The following PIEZO2 variants were observed in gnomAD, a reference collection of about 807,000 sequenced individuals.
PIEZO2 encodes the protein piezo-type mechanosensitive ion channel component 2.
Under a neutral mutation model 337.3 loss-of-function variants are expected in PIEZO2, and 172 were observed. The observed-to-expected ratio is 0.51, with a 90% CI of 0.45 to 0.58. The LOEUF is 0.58. PIEZO2 is among the 20% of genes least tolerant of loss of function. The pLI, the probability that PIEZO2 is intolerant of heterozygous loss-of-function variation, is 0.00. For missense variants in PIEZO2, 3,028 were observed against 3,391.3 expected (o/e 0.89, Z 2.66); for synonymous variants, 1,251 against 1,228.5 (o/e 1.02, Z -0.38).
intron 39 of PIEZO2, among the ~76,000 whole-genome samples, chr18:10,711,499 C>T (rs1206878183): frequency 6.6e-6 from 1 of 151,824 alleles, no homozygotes. Context: ...CATGAAATTT[C>T]AAAAGAGGTT....
chr18:11,018,549 T>G (rs1015922056), intron 2 of PIEZO2, among the ~76,000 whole-genome samples: 1 of 152,026 alleles, frequency 6.6e-6, no homozygotes, highest in Non-Finnish European at 1.5e-5. Context: ...ATGGCCAAAT[T>G]GTGAATCCCG....
intron 1 of PIEZO2, among the ~76,000 whole-genome samples, chr18:11,084,664 C>G (rs912764443): frequency 6.6e-6 from 1 of 152,102 alleles, no homozygotes; most frequent in African/African-American, 2.4e-5. Flanking sequence ...TTGCTATTTT[C>G]TTTACCAAGA....
At position 10,834,044 on chromosome 18, in the gene PIEZO2, T is replaced by C. The variant is rs570100533; in HGVS notation, c.917+21309A>G. ...TGTTTTTATTTTTTATGGGTAAGTGTATATGGGGCACAGGTGATGTTTTGA... is the reference window on the plus strand; with the variant it reads ...TGTTTTTATTTTTTATGGGTAAGTGCATATGGGGCACAGGTGATGTTTTGA... On this transcript the variant is annotated intron_variant, in intron 7 of 55. Coordinates refer to ENST00000674853, the MANE Select transcript of PIEZO2 (RefSeq NM_001378183.1). This position sits in a 1 kb window ranked among gnomAD's most constrained non-coding sequence, Gnocchi z 4.5. 1.6e-4 allele frequency among the ~76,000 whole-genome samples: 25 copies of C among 152,356 alleles called. No individual in the cohort carries two copies. The highest frequency in any genetic ancestry group is 5.5e-4 in the African/African-American group (23 of 41,578).
intron 36 of PIEZO2, among the ~76,000 whole-genome samples, chr18:10,730,414 C>T (rs754646263): frequency 6.6e-6 from 1 of 152,146 alleles, no homozygotes; most frequent in Non-Finnish European, 1.5e-5. Flanking sequence ...TTCACACGCT[C>T]TCATTGATTG....
Position 10,845,877 on chromosome 18 carries a change from A to G in PIEZO2, c.917+9476T>C, listed in dbSNP as rs114920477. On this transcript the variant is annotated intron_variant, in intron 7 of 55. Transcript: ENST00000674853. ...TACATTTAAAGCCCATCATTTTTCTAAAGCAAAAACTAAATATTTGCAAAC... is the reference window on the plus strand; with the variant it reads ...TACATTTAAAGCCCATCATTTTTCTGAAGCAAAAACTAAATATTTGCAAAC... 3.3e-3 allele frequency among the ~76,000 whole-genome samples: 499 copies of G among 152,344 alleles called. 2 individuals carry two copies. The highest frequency in any genetic ancestry group is 0.011 in the African/African-American group (477 of 41,576).
intron 3 of PIEZO2, among the ~76,000 whole-genome samples, chr18:10,955,864 T>G (rs2033497813): frequency 6.6e-6 from 1 of 152,224 alleles, no homozygotes; most frequent in Non-Finnish European, 1.5e-5. Context: ...TTAAATTTTT[T>G]GTTTGTTTGT....
chr18:10,786,920 G>A, intron 16 of PIEZO2, 116 bp downstream of exon 16: 1 of 1,019,984 alleles, frequency 9.8e-7, no homozygotes, highest in Non-Finnish European at 1.4e-6. Context: ...CTATTATTGA[G>A]GAACTTATAG....
At position 10,870,852 on chromosome 18, in the gene PIEZO2, G is replaced by T. The variant is rs2042121874; in HGVS notation, c.492+401C>A. On this transcript the variant is annotated intron_variant, in intron 5 of 55. Coordinates refer to ENST00000674853, the MANE Select transcript of PIEZO2 (RefSeq NM_001378183.1). This position sits in a 1 kb window ranked among gnomAD's most constrained non-coding sequence, Gnocchi z 5.3. ...ACAGACTGGAAAGCTGCCCTGCAAG[G>T]AGGAACTCATTTTTTTCCCTAAAAC... Among the ~76,000 whole-genome samples the T allele has an allele frequency of 6.6e-6, 1 of 152,162 alleles. No individual in the cohort carries two copies.
chr18:11,002,278 G>T lies in PIEZO2; in HGVS notation c.161-22618C>A, dbSNP rs2035571539. On this transcript the variant is annotated intron_variant, in intron 2 of 55. Transcript: ENST00000674853. The surrounding 1 kb of genome is among the most constrained non-coding windows in gnomAD (Gnocchi z 4.3). ...ATACAAAATACAGCAGTGAGTAGAGGCTGGTTCAGTCTATAGGCTGTAGTT... is the reference window on the plus strand; with the variant it reads ...ATACAAAATACAGCAGTGAGTAGAGTCTGGTTCAGTCTATAGGCTGTAGTT... 6.6e-6 allele frequency among the ~76,000 whole-genome samples: 1 copy of T among 152,164 alleles called. No individual in the cohort carries two copies. The highest frequency in any genetic ancestry group is 2.4e-5 in the African/African-American group (1 of 41,444).
intron 3 of PIEZO2, among the ~76,000 whole-genome samples, chr18:10,938,106 T>A (rs2032507047): frequency 6.6e-6 from 1 of 152,180 alleles, no homozygotes; most frequent in African/African-American, 2.4e-5. Context: ...AATTCCACTC[T>A]AATTCATCAA....
chr18:10,954,700 G>A lies in PIEZO2; in HGVS notation c.286+24835C>T, dbSNP rs2033443202. 6.6e-6 allele frequency among the ~76,000 whole-genome samples: 1 copy of A among 152,180 alleles called. No individual in the cohort carries two copies. Among genetic ancestry groups the A allele is most frequent in the South Asian group, 2.1e-4 (1 of 4,822 alleles). The stretch of plus-strand genomic sequence containing the variant: ...GTCCACTTTTGGGACTGGTTGCCAT[G>A]GTGATGGCTGTGGCAGAAGCAAGTG... On this transcript the variant is annotated intron_variant, in intron 3 of 55. Coordinates refer to ENST00000674853, the MANE Select transcript of PIEZO2 (RefSeq NM_001378183.1). The surrounding 1 kb of genome is among the most constrained non-coding windows in gnomAD (Gnocchi z 4.2).
In PIEZO2 at chr18:10,689,972, T is replaced by G. The variant is rs185180756; in HGVS notation, c.7350-170A>C. ...CTTGGAACACAACTGCTTTTCATTA[T>G]AAGTCGAATCTATGGATTTGTATTT... On this transcript the variant is annotated intron_variant, in intron 48 of 55. Transcript: ENST00000674853. Among the ~76,000 whole-genome samples, 222 of 152,378 alleles carry G rather than the reference T, an allele frequency of 1.5e-3. 1 individual carries two copies. Among genetic ancestry groups the G allele is most frequent in the African/African-American group, 4.9e-3 (204 of 41,586 alleles).
At position 11,001,905 on chromosome 18, in the gene PIEZO2, AGAAGGAAG is replaced by A. The variant is rs56275136; in HGVS notation, c.161-22253_161-22246del. Among the ~76,000 whole-genome samples, 5,621 of 139,282 alleles carry A rather than the reference AGAAGGAAG, an allele frequency of 0.04. 345 individuals are homozygous for A. The highest frequency in any genetic ancestry group is 0.14 in the African/African-American group (4,940 of 35,966). 91.4% of individuals were successfully genotyped at this position (139,282 alleles called of 152,430 possible). A position where few individuals can be genotyped will look rare whatever the true frequency, so the allele number is the denominator to read the frequency against. ...AAAAGGAGAAAAAGGGAAGGAAGGA[AGAAGGAAG>A]GAAGGAAGGAAGGAAGGAAGGAAGG... On this transcript the variant is annotated intron_variant, in intron 2 of 55. Coordinates refer to ENST00000674853, the MANE Select transcript of PIEZO2 (RefSeq NM_001378183.1). The surrounding 1 kb of genome is among the most constrained non-coding windows in gnomAD (Gnocchi z 5.3).
chr18:10,835,487 G>A (rs1482714474), intron 7 of PIEZO2, among the ~76,000 whole-genome samples: 1 of 151,882 alleles, frequency 6.6e-6, no homozygotes, highest in African/African-American at 2.4e-5. Flanking sequence ...GCACATAATG[G>A]TATATTGGCA....
intron 2 of PIEZO2, among the ~76,000 whole-genome samples, chr18:11,044,620 T>G (rs1380042191): frequency 6.6e-6 from 1 of 152,208 alleles, no homozygotes; most frequent in Admixed American, 6.5e-5. Context: ...TACTTTCCTT[T>G]TTCAAGCCTC....
intron 4 of PIEZO2, among the ~76,000 whole-genome samples, chr18:10,898,592 G>A (rs2042965852): frequency 1.3e-5 from 2 of 152,218 alleles, no homozygotes; most frequent in South Asian, 4.1e-4. Flanking sequence ...TCAGTAGATA[G>A]GTGAAAAATT....
intron 1 of PIEZO2, among the ~76,000 whole-genome samples, chr18:11,075,606 G>A (rs896203429): frequency 2.0e-5 from 3 of 152,110 alleles, no homozygotes; most frequent in Non-Finnish European, 4.4e-5. Flanking sequence ...GCTTCCTACA[G>A]AAAGTTACAA....
At chr18:10,793,394 T>C (rs1475999946) in intron 13 of PIEZO2, among the ~76,000 whole-genome samples, 1 of 152,204 alleles carries the variant, frequency 6.6e-6, no homozygotes, top group Non-Finnish European at 1.5e-5. Flanking sequence ...GTGCAGAACC[T>C]AGGTTCCCGG....
At chr18:10,811,058 C>G (rs571793588) in intron 7 of PIEZO2, among the ~76,000 whole-genome samples, 89 of 152,282 alleles carry the variant, frequency 5.8e-4, no homozygotes, top group Middle Eastern at 6.8e-3. Context: ...CTTCATCATT[C>G]TTTCCTTCAG....
Sources: gnomAD v4.1 joint callset for allele counts (sites outside exome capture counted in the v4.1 genomes callset) on GRCh38, gnomAD v4.1.1 for gene constraint, Gnocchi (gnomAD v3.1) non-coding constraint, MANE v1.5 for transcripts, NCBI Gene and HGNC (gene_info 2026-07-23, HGNC 2026-07-21) for gene names.